IGF2R: variants seen among roughly 807,000 people sequenced by gnomAD.
IGF2R encodes cation-independent mannose-6-phosphate receptor.
In IGF2R, 91 loss-of-function variants were observed where a neutral mutation model predicts 270.6. That is an observed-to-expected ratio of 0.34 (90% confidence interval 0.28 to 0.40). The LOEUF (loss-of-function observed/expected upper bound fraction) is 0.40, where lower values mean the gene tolerates loss of function less well. Ranked by LOEUF, IGF2R falls within the 10% of genes least tolerant of loss-of-function variation. The probability of loss-of-function intolerance (pLI) is 1.00; values close to 1 mark genes in which losing one functional copy is unlikely to be tolerated. For synonymous variants in IGF2R, 1,316 were observed against 1,258.9 expected, an observed-to-expected ratio of 1.05 and a Z score of -0.96; for missense variants, 2,805 against 3,188.3, an observed-to-expected ratio of 0.88 and a Z score of 2.90.
At chr6:160,100,883 C>T (rs1259169389) in intron 45 of IGF2R, among the ~76,000 whole-genome samples, 1 of 147,730 alleles carries the variant, frequency 6.8e-6, no homozygotes, top group East Asian at 2.0e-4. Context: ...CTCTGCTTCC[C>T]AGATTCAAGT....
At chr6:159,976,892 CTGTT>C (rs1161449089) in intron 1 of IGF2R, among the ~76,000 whole-genome samples, 9 of 152,348 alleles carry the variant, frequency 5.9e-5, no homozygotes, top group East Asian at 1.9e-4. Context: ...AAAAAGTTCT[CTGTT>C]TGGGTCAAAG....
chr6:160,101,582 C>T (rs1053367199), intron 45 of IGF2R, among the ~76,000 whole-genome samples: 58 of 152,248 alleles, frequency 3.8e-4, no homozygotes, highest in African/African-American at 1.2e-3. Flanking sequence ...TTTGAGCAGC[C>T]GGCATCTTCA....
chr6:160,098,127 A>C (rs1297658248), intron 45 of IGF2R, among the ~76,000 whole-genome samples: 1 of 152,182 alleles, frequency 6.6e-6, no homozygotes, highest in Non-Finnish European at 1.5e-5. Flanking sequence ...CCATGAGATG[A>C]ATCCTGCCTC....
chr6:159,977,818 A>G (rs1164092840), intron 1 of IGF2R, among the ~76,000 whole-genome samples: 1 of 151,198 alleles, frequency 6.6e-6, no homozygotes, highest in Non-Finnish European at 1.5e-5. Context: ...TTTGTAGGCT[A>G]GGCGTGGGAT....
chr6:160,065,461 G>T (rs1778548967), intron 29 of IGF2R, among the ~76,000 whole-genome samples: 1 of 152,098 alleles, frequency 6.6e-6, no homozygotes, highest in Non-Finnish European at 1.5e-5. Context: ...TGTGTCATCG[G>T]TTATTTATGT....
chr6:159,978,054 T>C (rs1425175354), intron 1 of IGF2R, among the ~76,000 whole-genome samples: 1 of 152,192 alleles, frequency 6.6e-6, no homozygotes, highest in Non-Finnish European at 1.5e-5. Flanking sequence ...ATCAGGGATT[T>C]ATTTTTATAA....
intron 10 of IGF2R, among the ~76,000 whole-genome samples, chr6:160,039,584 A>G (rs73781822): frequency 0.017 from 2,618 of 152,270 alleles, 78 homozygotes; most frequent in African/African-American, 0.06. Context: ...TTGAAATATC[A>G]TTTGCTCTTG....
intron 2 of IGF2R, among the ~76,000 whole-genome samples, chr6:159,997,115 C>T (rs1036361044): frequency 2.0e-5 from 3 of 152,182 alleles, no homozygotes; most frequent in Non-Finnish European, 4.4e-5. Context: ...AGTACAGCAC[C>T]CCTGTCTCCA....
intron 12 of IGF2R, among the ~76,000 whole-genome samples, chr6:160,043,575 A>G (rs1002657277): frequency 1.3e-5 from 2 of 152,394 alleles, no homozygotes; most frequent in Middle Eastern, 3.4e-3. Flanking sequence ...CCTGAAGAAT[A>G]ACATTGCCAG....
chr6:160,099,541 G>C (rs1779437462), intron 45 of IGF2R, among the ~76,000 whole-genome samples: 1 of 152,046 alleles, frequency 6.6e-6, no homozygotes, highest in Non-Finnish European at 1.5e-5. Context: ...TAATTTTTTT[G>C]TATTTTTAGT....
intron 6 of IGF2R, among the ~76,000 whole-genome samples, chr6:160,028,361 C>T (rs1777612078): frequency 6.6e-6 from 1 of 152,222 alleles, no homozygotes; most frequent in Admixed American, 6.5e-5. Context: ...CTTTAAAGGC[C>T]CTGTCTCCAA....
At chr6:160,100,973 G>T (rs1779473495) in intron 45 of IGF2R, among the ~76,000 whole-genome samples, 1 of 150,504 alleles carries the variant, frequency 6.6e-6, no homozygotes, top group African/African-American at 2.4e-5. Context: ...TGTATTTTTA[G>T]TAGAGATGGG....
chr6:160,069,839 G>A, intron 30 of IGF2R, 29 bp from the exon 31 acceptor site: 1 of 1,607,912 alleles, frequency 6.2e-7, no homozygotes. Context: ...GTCACTAAAG[G>A]CAACTCTTTC....
At chr6:160,070,150 G>A (rs866637535) in intron 31 of IGF2R, 92 bp downstream of exon 31, 1 of 1,244,938 alleles carries the variant, frequency 8.0e-7, no homozygotes, top group African/African-American at 1.5e-5. Context: ...ATCTGCCTTG[G>A]GATGCGAGTT....
chr6:160,093,822 T>C, intron 44 of IGF2R: 1 of 732,778 alleles, frequency 1.4e-6, no homozygotes, highest in Non-Finnish European at 2.6e-6. Flanking sequence ...TTAAGGGTGC[T>C]GTGCATGATG....
chr6:160,102,385 C>A lies in IGF2R; in HGVS notation c.6843-134C>A. 1.0e-6 allele frequency: 1 copy of A among 987,568 alleles called. No individual in the cohort carries two copies. The highest frequency in any genetic ancestry group is 1.6e-5 in the South Asian group (1 of 62,416). The allele number at this position is 987,568 out of a possible 1,614,324, so 61.2% of individuals were successfully genotyped here. A position where few individuals can be genotyped will look rare whatever the true frequency, so the allele number is the denominator to read the frequency against. ...GGAGTGGGACTTGTGGCCTTGTTTT[C>A]TGGGCAGGAGTAAGAATCACATGGT... On this transcript the variant is annotated intron_variant, in intron 45 of 47. Coordinates refer to ENST00000356956, the MANE Select transcript of IGF2R (RefSeq NM_000876.4). The surrounding 1 kb of genome is among the most constrained non-coding windows in gnomAD (Gnocchi z 4.5).
rs564166903 is a variant in IGF2R at position 160,030,890 on chromosome 6, C to G, written c.882+1235C>G. ...CCCGGCCGGAGTGCAGTGCCACGAT[C>G]TCACTTCACTACAATCTCCGCCTCC... is the stretch of plus-strand genomic sequence containing the variant. On this transcript the variant is annotated intron_variant, in intron 7 of 47. Transcript: ENST00000356956. 1.1e-3 allele frequency among the ~76,000 whole-genome samples: 159 copies of G among 151,058 alleles called. 1 individual carries two copies. The highest frequency in any genetic ancestry group is 3.8e-3 in the African/African-American group (156 of 41,120).
intron 2 of IGF2R, among the ~76,000 whole-genome samples, chr6:160,002,768 C>A (rs1023984949): frequency 2.0e-5 from 3 of 152,170 alleles, no homozygotes; most frequent in Non-Finnish European, 2.9e-5. Flanking sequence ...CTAAAATTCT[C>A]TTAAATGTTC....
Position 160,071,890 on chromosome 6 carries a change from C to T in IGF2R, c.4444-20C>T, listed in dbSNP as rs1778746530. 1.9e-6 allele frequency: 3 copies of T among 1,614,058 alleles called. No homozygotes were observed. The highest frequency in any genetic ancestry group is 2.7e-5 in the African/African-American group (2 of 75,050). ...AGTTTTTGCGTGATCCCTTCAGGACCTGTCTGTGCTTTGTTGTAGAACTCC... is the reference window on the plus strand; with the variant it reads ...AGTTTTTGCGTGATCCCTTCAGGACTTGTCTGTGCTTTGTTGTAGAACTCC... On this transcript the variant is annotated intron_variant, in intron 31 of 47. Transcript: ENST00000356956.
Sources: gnomAD v4.1 joint callset for allele counts (sites outside exome capture counted in the v4.1 genomes callset) on GRCh38, gnomAD v4.1.1 for gene constraint, Gnocchi (gnomAD v3.1) non-coding constraint, MANE v1.5 for transcripts, NCBI Gene and HGNC (gene_info 2026-07-23, HGNC 2026-07-21) for gene names.